SLC14A2: variants seen among roughly 807,000 people sequenced by gnomAD.
The protein encoded by SLC14A2 is solute carrier family 14 member 2, also known as urea transporter 2.
Under a neutral mutation model 104.6 loss-of-function variants are expected in SLC14A2, and 91 were observed. That is an observed-to-expected ratio of 0.87 (90% CI 0.73 to 1.04). The LOEUF (loss-of-function observed/expected upper bound fraction) is 1.04. Ranked by LOEUF, SLC14A2 falls within the 50% of genes least tolerant of loss-of-function variation. The pLI, the probability that SLC14A2 is intolerant of heterozygous loss-of-function variation, is 0.00. For missense variants in SLC14A2, 1,189 were observed against 1,156.0 expected, an observed-to-expected ratio of 1.03 and a Z score of -0.41; for synonymous variants, 476 against 466.4, an observed-to-expected ratio of 1.02 and a Z score of -0.27.
At chr18:45,342,575 G>A (rs1568159683) in intron 1 of SLC14A2, among the ~76,000 whole-genome samples, 1 of 152,162 alleles carries the variant, frequency 6.6e-6, no homozygotes, top group Non-Finnish European at 1.5e-5. Flanking sequence ...GAAATGTGGA[G>A]AATATAACTC....
At chr18:45,423,447 A>G (rs2086377403) in intron 1 of SLC14A2, among the ~76,000 whole-genome samples, 1 of 152,170 alleles carries the variant, frequency 6.6e-6, no homozygotes, top group Admixed American at 6.5e-5. Flanking sequence ...AGTGGCCAGT[A>G]ATGTTGTAAA....
intron 1 of SLC14A2, among the ~76,000 whole-genome samples, chr18:45,471,426 C>T (rs2087246616): frequency 6.6e-6 from 1 of 152,038 alleles, no homozygotes. Flanking sequence ...TTTTGCCTTG[C>T]TTTGTAGGCA....
chr18:45,579,341 A>G (rs2044457791), intron 2 of SLC14A2, among the ~76,000 whole-genome samples: 1 of 152,228 alleles, frequency 6.6e-6, no homozygotes, highest in Non-Finnish European at 1.5e-5. Context: ...TTACAAATAT[A>G]GAGATCTTTG....
At chr18:45,492,440 G>A (rs997707885) in intron 2 of SLC14A2, among the ~76,000 whole-genome samples, 35 of 152,164 alleles carry the variant, frequency 2.3e-4, no homozygotes, top group African/African-American at 8.2e-4. Flanking sequence ...CAGCAAGTGA[G>A]AGAGAGTGTG....
chr18:45,301,930 AC>A, intron 1 of SLC14A2, among the ~76,000 whole-genome samples: 1 of 152,060 alleles, frequency 6.6e-6, no homozygotes, highest in Admixed American at 6.5e-5. Context: ...TTTAGGTCAG[AC>A]CCTTCTCTGA....
intron 2 of SLC14A2, among the ~76,000 whole-genome samples, chr18:45,524,504 C>T (rs1382876124): frequency 6.6e-6 from 1 of 152,176 alleles, no homozygotes; most frequent in Non-Finnish European, 1.5e-5. Context: ...AAGGGTTGGA[C>T]ACTGGCCTCA....
chr18:45,548,739 G>A (rs909586517), intron 2 of SLC14A2, among the ~76,000 whole-genome samples: 4 of 152,126 alleles, frequency 2.6e-5, no homozygotes, highest in Non-Finnish European at 4.4e-5. Context: ...CAGCTACCCG[G>A]GATCAGAGTT....
At chr18:45,319,303 C>A (rs2085162084) in intron 1 of SLC14A2, among the ~76,000 whole-genome samples, 1 of 152,228 alleles carries the variant, frequency 6.6e-6, no homozygotes, top group South Asian at 2.1e-4. Flanking sequence ...CTGCCTTTCC[C>A]TCCAGAAAGG....
intron 11 of SLC14A2, among the ~76,000 whole-genome samples, chr18:45,665,042 G>T (rs2045993579): frequency 6.6e-6 from 1 of 152,132 alleles, no homozygotes; most frequent in South Asian, 2.1e-4. Flanking sequence ...AATTTCAAGG[G>T]ATCCCTTCTG....
chr18:45,621,290 A>G (rs531820138), intron 1 of SLC14A2, among the ~76,000 whole-genome samples: 2 of 152,360 alleles, frequency 1.3e-5, no homozygotes, highest in South Asian at 4.1e-4. Context: ...CTACAGGGTC[A>G]GAATACAAGG....
At chr18:45,605,565 T>A (rs374661557) in intron 2 of SLC14A2, among the ~76,000 whole-genome samples, 1 of 152,164 alleles carries the variant, frequency 6.6e-6, no homozygotes, top group African/African-American at 2.4e-5. Flanking sequence ...GATGCACAGA[T>A]AACAGGAGAA....
intron 1 of SLC14A2, among the ~76,000 whole-genome samples, chr18:45,295,205 G>GATAT (rs2084907278): frequency 6.6e-6 from 1 of 152,246 alleles, no homozygotes; most frequent in South Asian, 2.1e-4. Flanking sequence ...GGGAGACTGT[G>GATAT]ATATAGACCA....
intron 2 of SLC14A2, among the ~76,000 whole-genome samples, chr18:45,603,814 G>A (rs2044825109): frequency 6.6e-6 from 1 of 152,176 alleles, no homozygotes; most frequent in Non-Finnish European, 1.5e-5. Context: ...ACCTGAAGTG[G>A]TCTGTGCTTA....
chr18:45,273,382 G>T (rs927933343), intron 1 of SLC14A2, among the ~76,000 whole-genome samples: 8 of 152,146 alleles, frequency 5.3e-5, no homozygotes, highest in African/African-American at 1.9e-4. Flanking sequence ...AAAATGGGAT[G>T]CTATGATTGG....
intron 2 of SLC14A2, among the ~76,000 whole-genome samples, chr18:45,610,296 C>G (rs1365938175): frequency 6.6e-6 from 1 of 152,162 alleles, no homozygotes; most frequent in African/African-American, 2.4e-5. Context: ...CCTGGAGTAG[C>G]AAGGGCATAA....
intron 10 of SLC14A2, among the ~76,000 whole-genome samples, chr18:45,654,495 C>A (rs1314387743): frequency 3.9e-5 from 6 of 152,078 alleles, no homozygotes; most frequent in Admixed American, 2.6e-4. Flanking sequence ...ACGTCCTAGC[C>A]AACAAAACCA....
chr18:45,468,272 A>G (rs1598866497), intron 1 of SLC14A2, among the ~76,000 whole-genome samples: 1 of 152,170 alleles, frequency 6.6e-6, no homozygotes, highest in South Asian at 2.1e-4. Flanking sequence ...GCCATCATTC[A>G]TGGAAGAAAA....
Position 45,326,343 on chromosome 18 carries a change from G to A in SLC14A2, c.-125+113152G>A, listed in dbSNP as rs113953876. 3.5e-3 allele frequency among the ~76,000 whole-genome samples: 533 copies of A among 152,104 alleles called. 6 individuals are homozygous for A. The highest frequency in any genetic ancestry group is 0.012 in the African/African-American group (509 of 41,482). On this transcript the variant is annotated intron_variant, in intron 1 of 20. Transcript: ENST00000586448. ...CATAAATGATTCCCTTTTTCTCTTG[G>A]TGGCACCTCCTTTGGATTCTCTATA... is the stretch of plus-strand genomic sequence containing the variant.
At chr18:45,612,051 C>T (rs1321660877), upstream of SLC14A2, among the ~76,000 whole-genome samples, 1 of 152,160 alleles carries the variant, frequency 6.6e-6, no homozygotes, top group Non-Finnish European at 1.5e-5. Context: ...AAGGAAATTG[C>T]CGATAAGGGG....
Sources: allele counts gnomAD v4.1 joint callset (sites outside exome capture counted in the v4.1 genomes callset), GRCh38; gene constraint gnomAD v4.1.1; transcripts MANE v1.5; gene names NCBI Gene and HGNC (gene_info 2026-07-23, HGNC 2026-07-21).